The following ERCC5 variants were observed in gnomAD, a reference collection of about 807,000 sequenced individuals.
The protein encoded by ERCC5 is ERCC excision repair 5, endonuclease.
In ERCC5, 68 loss-of-function variants were observed where a neutral mutation model predicts 105.6. The ratio of observed to expected loss-of-function variants is 0.64; its 90% confidence interval spans 0.53 to 0.79. ERCC5 has a LOEUF of 0.79. ERCC5 is among the 30% of genes least tolerant of loss of function. ERCC5 has a pLI of 0.00. For synonymous variants in ERCC5, 546 were observed against 526.2 expected (o/e 1.04, Z -0.51); for missense variants, 1,373 against 1,426.7 (o/e 0.96, Z 0.61).
Position 102,846,333 on chromosome 13 carries a change from G to T in ERCC5, c.67G>T (p.Glu23Ter). 1 of 1,614,108 alleles carries T rather than the reference G, an allele frequency of 6.2e-7. No homozygotes were observed. ...SGRQVSPEAL[E>*]GKILAVDISI... is the part of the protein sequence containing the mutation. ...GCGGCAGGTCAGCCCCGAAGCGCTGGAAGGGAAGATCCTGGCTGTTGGTAT... is the reference window on the plus strand; with the variant it reads ...GCGGCAGGTCAGCCCCGAAGCGCTGTAAGGGAAGATCCTGGCTGTTGGTAT... The change falls in exon 1 of 15, where the codon GAA becomes TAA. Residue 23 changes from glutamate to a stop codon, truncating the protein, a stop_gained. Transcript: ENST00000652225. LOFTEE classifies it high-confidence loss of function.
Position 102,865,665 on chromosome 13 carries a change from A to G in ERCC5, c.1955-2A>G, listed in dbSNP as rs1303675333. On this transcript the variant is annotated splice_acceptor_variant, in intron 8 of 14. Coordinates refer to ENST00000652225, the MANE Select transcript of ERCC5 (RefSeq NM_000123.4). LOFTEE classifies it high-confidence loss of function. This position sits in a 1 kb window ranked among gnomAD's most constrained non-coding sequence, Gnocchi z 4.0. ...TGAAGTGACCTTTTAATTTTGGTAC[A>G]GGAAGTTTCATTGAAGTGCAAAGTG... 1 of 1,613,420 alleles carries G rather than the reference A, an allele frequency of 6.2e-7. No homozygotes were observed.
At chr13:102,857,027 A>C (rs1324907301) in intron 5 of ERCC5, among the ~76,000 whole-genome samples, 3 of 152,238 alleles carry the variant, frequency 2.0e-5, no homozygotes, top group Admixed American at 1.3e-4. Flanking sequence ...ACATATTTTC[A>C]TGAATAACAT....
Position 102,873,293 on chromosome 13 carries a change from A to G in ERCC5, c.2914A>G (p.Lys972Glu). ...GCGGTATTTCGGCTGGAACAGAACGAAGACAGATGAATCTCTGTTTCCTGT... is the reference window on the plus strand; with the variant it reads ...GCGGTATTTCGGCTGGAACAGAACGGAGACAGATGAATCTCTGTTTCCTGT... ...CQRYFGWNRT[K>E]TDESLFPVLK... The change falls in exon 14 of 15, where the codon AAG (lysine) becomes GAG (glutamate). Residue 972 changes from lysine to glutamate, a missense_variant. By Grantham distance (56) the Lys-to-Glu change is moderately conservative (BLOSUM62 1). Around this residue, in one of 3 missense-constraint regions of ERCC5, gnomAD observed 367 missense variants for 350.2 expected, o/e 1.05. Transcript: ENST00000652225. The G allele has an allele frequency of 6.2e-7, 1 of 1,614,150 alleles. No individual in the cohort carries two copies.
At position 102,861,719 on chromosome 13, in the gene ERCC5, C is replaced by T. The variant is rs562566837; in HGVS notation, c.880+5C>T. 9.9e-6 allele frequency: 16 copies of T among 1,614,014 alleles called. No homozygotes were observed. The highest frequency in any genetic ancestry group is 6.7e-5 in the East Asian group (3 of 44,856). ...CACATTACATCTTGATAAAAGGTAT[C>T]AGGCACCATCATTTATATATTTACA... On this transcript the variant is annotated splice_donor_5th_base_variant and intron_variant, in intron 7 of 14. Transcript: ENST00000652225.
chr13:102,851,689 A>G (rs1882210826), intron 1 of ERCC5, among the ~76,000 whole-genome samples: 1 of 152,158 alleles, frequency 6.6e-6, no homozygotes, highest in South Asian at 2.1e-4. Flanking sequence ...AACTCTCATT[A>G]TATATCCATG....
rs201911663 is a variant in ERCC5 at position 102,875,896 on chromosome 13, A to C, written c.3554A>C (p.Lys1185Thr). The change falls in exon 15 of 15, where the codon AAA (lysine) becomes ACA (threonine). Residue 1185 changes from lysine (K) to threonine (T), a missense_variant. By Grantham distance (78) the Lys-to-Thr change is moderately conservative (BLOSUM62 -1). This residue lies in a region of ERCC5 where 367 missense variants were observed against 350.2 expected (regional missense o/e 1.05). Coordinates refer to ENST00000652225, the MANE Select transcript of ERCC5 (RefSeq NM_000123.4). ...KLRRARGRKRKT is the reference protein window; with the variant it reads ...KLRRARGRKRTT ...AGACGTGCGAGGGGAAGAAAAAGGA[A>C]AACCTAATTAAAAAATATGTATCCT... is the stretch of plus-strand genomic sequence containing the variant. The C allele has an allele frequency of 4.2e-4, 673 of 1,605,322 alleles. No individual in the cohort carries two copies. Among genetic ancestry groups the C allele is most frequent in the Non-Finnish European group, 5.4e-4 (634 of 1,179,810 alleles).
Position 102,866,626 on chromosome 13 carries a change from C to G in ERCC5, c.2320-6C>G, listed in dbSNP as rs781699064. The G allele has an allele frequency of 1.2e-6, 2 of 1,612,834 alleles. No homozygotes were observed. Among genetic ancestry groups the G allele is most frequent in the Non-Finnish European group, 1.7e-6 (2 of 1,179,880 alleles). On this transcript the variant is annotated splice_region_variant and splice_polypyrimidine_tract_variant and intron_variant, in intron 10 of 14. Transcript: ENST00000652225. ...TGGGCGTCACTGTGTACCCCTCACT[C>G]TGCAGGAACTCCTGCGCCTGTTCGG...
chr13:102,854,791 C>T (rs1695094219), intron 4 of ERCC5, among the ~76,000 whole-genome samples: 3 of 152,210 alleles, frequency 2.0e-5, no homozygotes, highest in African/African-American at 7.2e-5. Context: ...TTAGTGTGCT[C>T]GACTTCTCTG....
chr13:102,860,317 G>A (rs1190924154), intron 6 of ERCC5, among the ~76,000 whole-genome samples: 6 of 152,182 alleles, frequency 3.9e-5, no homozygotes, highest in South Asian at 4.1e-4. Context: ...TTCTATCTGT[G>A]ATATTGTGAA....
chr13:102,875,761 A>C lies in ERCC5; in HGVS notation c.3419A>C (p.Asn1140Thr). 1 of 1,614,224 alleles carries C rather than the reference A, an allele frequency of 6.2e-7. No homozygotes were observed. The highest frequency in any genetic ancestry group is 2.2e-5 in the East Asian group (1 of 44,882). The change falls in exon 15 of 15, where the codon AAT becomes ACT. Residue 1140 changes from asparagine (N) to threonine (T), a missense_variant. By Grantham distance (65) the Asn-to-Thr change is moderately conservative (BLOSUM62 0). Coordinates refer to ENST00000652225, the MANE Select transcript of ERCC5 (RefSeq NM_000123.4). ...TCAGTGAAGGAAGCTCCCGTGAAGA[A>C]TGGAGGTGCGACCACCAGCAGCTCT... ...QNSVKEAPVK[N>T]GGATTSSSSD...
At chr13:102,861,862 T>G (rs1318211594) in intron 7 of ERCC5, 148 bp downstream of exon 7, 7 of 1,352,758 alleles carry the variant, frequency 5.2e-6, no homozygotes, top group Non-Finnish European at 5.1e-6. Flanking sequence ...TTAACTACTA[T>G]AGTGCCAAAC....
chr13:102,865,644 G>A lies in ERCC5; in HGVS notation c.1955-23G>A, dbSNP rs753470883. The A allele has an allele frequency of 6.2e-7, 1 of 1,612,052 alleles. No individual in the cohort carries two copies. Among genetic ancestry groups the A allele is most frequent in the African/African-American group, 1.3e-5 (1 of 74,884 alleles). On this transcript the variant is annotated intron_variant, in intron 8 of 14. Transcript: ENST00000652225. The surrounding 1 kb of genome is among the most constrained non-coding windows in gnomAD (Gnocchi z 4.0). ...TTTTAATGTTTTGATTGTAGATGAA[G>A]TGACCTTTTAATTTTGGTACAGGAA...
rs748042541 is a variant in ERCC5 at position 102,854,389 on chromosome 13, A to C, written c.467+15A>C. The C allele has an allele frequency of 6.2e-7, 1 of 1,610,398 alleles. No individual in the cohort carries two copies. Among genetic ancestry groups the C allele is most frequent in the South Asian group, 1.1e-5 (1 of 91,008 alleles). On this transcript the variant is annotated intron_variant, in intron 4 of 14. Transcript: ENST00000652225. Reference sequence around the variant, plus strand: ...GAAAAACACAGGTAAATGTTTAACTATTTAAGAATATTATTTTAGTCATTG... The same window carrying C: ...GAAAAACACAGGTAAATGTTTAACTCTTTAAGAATATTATTTTAGTCATTG...
intron 5 of ERCC5, among the ~76,000 whole-genome samples, chr13:102,857,629 T>TCTTA (rs10623510): frequency 0.58 from 88,467 of 151,652 alleles, 26,562 homozygotes; most frequent in African/African-American, 0.67. Flanking sequence ...TCTGTGAATT[T>TCTTA]CTTTTAATTT....
chr13:102,861,589 A>G lies in ERCC5; in HGVS notation c.755A>G (p.Lys252Arg). ...YLNQHIEHVQ[K>R]EMNQQHSGHI... Reference sequence around the variant, plus strand: ...AACCAGCATATAGAACATGTCCAAAAGGAAATGAATCAGCAACATTCAGGA... The same window carrying G: ...AACCAGCATATAGAACATGTCCAAAGGGAAATGAATCAGCAACATTCAGGA... The change falls in exon 7 of 15, where the codon AAG becomes AGG. Residue 252 changes from lysine to arginine, a missense_variant. Physicochemically the swap from Lys to Arg is conservative, Grantham distance 26 (BLOSUM62 2). Around this residue, in one of 3 missense-constraint regions of ERCC5, gnomAD observed 1,004 missense variants for 1,059.7 expected, o/e 0.95. Coordinates refer to ENST00000652225, the MANE Select transcript of ERCC5 (RefSeq NM_000123.4). The G allele has an allele frequency of 1.2e-6, 2 of 1,614,184 alleles. No homozygotes were observed. The highest frequency in any genetic ancestry group is 1.7e-6 in the Non-Finnish European group (2 of 1,180,010).
At chr13:102,848,752 C>A (rs544734007) in intron 1 of ERCC5, among the ~76,000 whole-genome samples, 12 of 152,250 alleles carry the variant, frequency 7.9e-5, no homozygotes, top group African/African-American at 2.6e-4. Flanking sequence ...CAGATTGTCT[C>A]ATTTTTCATA....
In ERCC5 at chr13:102,858,337, C is replaced by T; in HGVS notation, c.591C>T (p.Pro197=). The stretch of plus-strand genomic sequence containing the variant: ...AGTCTGAGGACTTCAGCAGCCTGCC[C>T]CCTGAAGTAAAGCATGAAATCTTGA... The part of the protein sequence containing the change: ...DIESEDFSSL[P]PEVKHEILTD... The change falls in exon 6 of 15, where the codon CCC becomes CCT. Residue 197 remains proline, a synonymous_variant. Coordinates refer to ENST00000652225, the MANE Select transcript of ERCC5 (RefSeq NM_000123.4). The T allele has an allele frequency of 1.9e-6, 3 of 1,614,072 alleles. No homozygotes were observed. Among genetic ancestry groups the T allele is most frequent in the Middle Eastern group, 1.7e-4 (1 of 6,060 alleles).
rs9586000 is a variant in ERCC5 at position 102,871,407 on chromosome 13, G to T, written c.2679-791G>T. Reference sequence around the variant, plus strand: ...CTTAGAATGGAAAACATTGAAAAATGAATAAAATATAAAGAAGAAAATGAA... The same window carrying T: ...CTTAGAATGGAAAACATTGAAAAATTAATAAAATATAAAGAAGAAAATGAA... On this transcript the variant is annotated intron_variant, in intron 12 of 14. Transcript: ENST00000652225. Among the ~76,000 whole-genome samples the T allele has an allele frequency of 6.6e-4, 101 of 152,284 alleles. 1 individual carries two copies. Among genetic ancestry groups the T allele is most frequent in the African/African-American group, 2.3e-3 (95 of 41,578 alleles).
In ERCC5 at chr13:102,875,561, G is replaced by T; in HGVS notation, c.3219G>T (p.Lys1073Asn). Residue 1073 changes from lysine (K) to asparagine (N), a missense_variant, in exon 15 of 15, where the codon AAG (lysine) becomes AAT (asparagine). Coordinates refer to ENST00000652225, the MANE Select transcript of ERCC5 (RefSeq NM_000123.4). ...TLEESSSLKR[K>N]RLSDSKGKNT... The stretch of plus-strand genomic sequence containing the variant: ...AAGAGTCATCAAGCCTGAAAAGAAA[G>T]AGGCTTTCAGATTCTAAAGGAAAGA... 6.2e-7 allele frequency: 1 copy of T among 1,612,668 alleles called. No individual in the cohort carries two copies.
Sources: allele counts gnomAD v4.1 joint callset (sites outside exome capture counted in the v4.1 genomes callset), GRCh38; gene constraint gnomAD v4.1.1; regional missense constraint gnomAD v4.1.1; non-coding constraint Gnocchi (gnomAD v3.1); transcripts MANE v1.5; gene names NCBI Gene and HGNC (gene_info 2026-07-23, HGNC 2026-07-21).